Variants in GNAL observed in about 807,000 individuals in gnomAD.
GNAL encodes the protein G protein subunit alpha L, also known as guanine nucleotide-binding protein G(olf) subunit alpha.
In GNAL, 18 loss-of-function variants were observed where a neutral mutation model predicts 55.1. That is an observed-to-expected ratio of 0.33 (90% confidence interval 0.23 to 0.48). The LOEUF is 0.48. GNAL is among the 20% of genes least tolerant of loss of function. The probability of loss-of-function intolerance (pLI) is 0.99; values close to 1 mark genes in which losing one functional copy is unlikely to be tolerated. For missense variants in GNAL, 412 were observed against 614.1 expected (o/e 0.67, Z 3.48); for synonymous variants, 253 against 237.0 (o/e 1.07, Z -0.62).
intron 1 of GNAL, chr18:11,747,124 C>A: frequency 2.5e-6 from 1 of 404,772 alleles, no homozygotes. Context: ...GATCGAACTG[C>A]CCACGCTGCC....
intron 5 of GNAL, chr18:11,851,304 A>G: frequency 1.8e-6 from 1 of 562,952 alleles, no homozygotes; most frequent in South Asian, 2.8e-5. Context: ...CTGGCGTCTT[A>G]CGTCCCACAG....
chr18:11,715,212 C>A (rs2031928253), intron 1 of GNAL, among the ~76,000 whole-genome samples: 1 of 151,574 alleles, frequency 6.6e-6, no homozygotes, highest in African/African-American at 2.4e-5. Flanking sequence ...GTAATCCCAG[C>A]ACTTTGGGAG....
intron 1 of GNAL, among the ~76,000 whole-genome samples, chr18:11,737,329 A>G (rs1469805401): frequency 2.6e-5 from 4 of 152,214 alleles, no homozygotes; most frequent in Non-Finnish European, 5.9e-5. Context: ...ATGCCTACCA[A>G]TGCTTTAAAT....
rs533703130 is a variant in GNAL, at chr18:11,868,050, G to A, written c.911-493G>A. 2.1e-4 allele frequency among the ~76,000 whole-genome samples: 32 copies of A among 152,212 alleles called. No individual in the cohort carries two copies. In the South Asian group the frequency reaches 2.9e-3, roughly 14 times the overall value. ...TGAGGCAGGAGAATCACCTGAACCCGGGAGGCAGAGGTTGCAGTGAGCCAA... is the reference window on the plus strand; with the variant it reads ...TGAGGCAGGAGAATCACCTGAACCCAGGAGGCAGAGGTTGCAGTGAGCCAA... On this transcript the variant is annotated intron_variant, in intron 8 of 11. Transcript: ENST00000334049. The surrounding 1 kb of genome is among the most constrained non-coding windows in gnomAD (Gnocchi z 4.0).
intron 10 of GNAL, chr18:11,874,110 G>C (rs992021066): frequency 1.3e-5 from 2 of 152,428 alleles, no homozygotes; most frequent in African/African-American, 2.4e-5. Flanking sequence ...CCAGCCGCGG[G>C]TGCTGAAGGG....
intron 6 of GNAL, among the ~76,000 whole-genome samples, chr18:11,864,142 A>G (rs1417795554): frequency 6.8e-6 from 1 of 146,740 alleles, no homozygotes; most frequent in Non-Finnish European, 1.5e-5. Context: ...GCTGGAATGC[A>G]ATGGCGCGAT....
chr18:11,780,663 C>CT (rs1413732866), intron 4 of GNAL, among the ~76,000 whole-genome samples: 9 of 152,132 alleles, frequency 5.9e-5, no homozygotes. Context: ...GCCAATCTGC[C>CT]TTTGGGTTTT....
At chr18:11,736,060 T>C (rs1032435481) in intron 1 of GNAL, among the ~76,000 whole-genome samples, 3 of 152,180 alleles carry the variant, frequency 2.0e-5, no homozygotes, top group Admixed American at 6.5e-5. Flanking sequence ...CATCTCCAAA[T>C]CTAGTCTATT....
intron 4 of GNAL, among the ~76,000 whole-genome samples, chr18:11,776,729 A>AG (rs1555649399): frequency 0.031 from 4,558 of 145,828 alleles, 292 homozygotes; most frequent in African/African-American, 0.11. Flanking sequence ...AAAAAAAAAA[A>AG]GAATTTACAC....
chr18:11,728,352 A>G (rs1334675169), intron 1 of GNAL, among the ~76,000 whole-genome samples: 2 of 152,186 alleles, frequency 1.3e-5, no homozygotes, highest in Non-Finnish European at 2.9e-5. Flanking sequence ...AAGGACTCAC[A>G]TTCTTCAGGC....
intron 1 of GNAL, among the ~76,000 whole-genome samples, chr18:11,696,785 A>T (rs1812203718): frequency 6.6e-6 from 1 of 152,214 alleles, no homozygotes; most frequent in Admixed American, 6.5e-5. Flanking sequence ...TATTCACATG[A>T]TTAATACTGG....
At chr18:11,857,740 C>G in intron 5 of GNAL, 12 of 985,332 alleles carry the variant, frequency 1.2e-5, no homozygotes, top group Non-Finnish European at 1.4e-5. Flanking sequence ...AGCAGGGAAT[C>G]TTAACTCTGG....
chr18:11,752,384 G>A lies in GNAL; in HGVS notation c.377-469G>A. The A allele has an allele frequency of 6.3e-7, 1 of 1,574,860 alleles. No individual in the cohort carries two copies. Among genetic ancestry groups the A allele is most frequent in the Admixed American group, 1.9e-5 (1 of 52,094 alleles). On this transcript the variant is annotated intron_variant, in intron 1 of 11. Transcript: ENST00000334049. This position sits in a 1 kb window ranked among gnomAD's most constrained non-coding sequence, Gnocchi z 4.5. ...CCGCACACGTCTCCAACTCTCTATTGCTTTTTGCGCACATTCCTAACTTCC... is the reference window on the plus strand; with the variant it reads ...CCGCACACGTCTCCAACTCTCTATTACTTTTTGCGCACATTCCTAACTTCC...
chr18:11,703,484 A>G (rs559781383), intron 1 of GNAL, among the ~76,000 whole-genome samples: 4 of 152,250 alleles, frequency 2.6e-5, no homozygotes, highest in Non-Finnish European at 5.9e-5. Context: ...AGTAGTGCCA[A>G]TTAAGAAACA....
chr18:11,729,824 G>A (rs557456101), intron 1 of GNAL, among the ~76,000 whole-genome samples: 2 of 152,232 alleles, frequency 1.3e-5, no homozygotes, highest in East Asian at 1.9e-4. Flanking sequence ...TGATTAAGTC[G>A]CCCCGAGGCA....
At chr18:11,823,478 C>A (rs1465198889) in intron 4 of GNAL, among the ~76,000 whole-genome samples, 1 of 152,174 alleles carries the variant, frequency 6.6e-6, no homozygotes, top group African/African-American at 2.4e-5. Context: ...CTAATAAAGC[C>A]TACACTCTGG....
At chr18:11,747,117 C>T (rs1353547560) in intron 1 of GNAL, 3 of 409,416 alleles carry the variant, frequency 7.3e-6, no homozygotes, top group East Asian at 5.9e-5. Context: ...CAGCGCAGAT[C>T]GAACTGCCCA....
intron 4 of GNAL, among the ~76,000 whole-genome samples, chr18:11,783,181 C>A (rs1322926660): frequency 6.6e-6 from 1 of 152,146 alleles, no homozygotes; most frequent in Non-Finnish European, 1.5e-5. Flanking sequence ...AATTTGTTGA[C>A]CACCTCACAT....
Position 11,868,565 on chromosome 18 carries a change from C to T in GNAL, c.933C>T (p.Val311=), listed in dbSNP as rs1318167543. The T allele has an allele frequency of 1.2e-6, 2 of 1,610,372 alleles. No homozygotes were observed. The highest frequency in any genetic ancestry group is 2.2e-5 in the East Asian group (1 of 44,710). The part of the protein sequence containing the change: ...CFNDVTAIIY[V]AACSSYNMVI... ...AAGATGTCACAGCTATCATTTACGTCGCAGCCTGCAGTAGCTACAACATGG... is the reference window on the plus strand; with the variant it reads ...AAGATGTCACAGCTATCATTTACGTTGCAGCCTGCAGTAGCTACAACATGG... Residue 311 remains valine (V), a synonymous_variant, in exon 9 of 12, where the codon GTC becomes GTT. Transcript: ENST00000334049. This position sits in a 1 kb window ranked among gnomAD's most constrained non-coding sequence, Gnocchi z 4.0.
Sources: gnomAD v4.1 joint callset for allele counts (sites outside exome capture counted in the v4.1 genomes callset) on GRCh38, gnomAD v4.1.1 for gene constraint, Gnocchi (gnomAD v3.1) non-coding constraint, MANE v1.5 for transcripts, NCBI Gene and HGNC (gene_info 2026-07-23, HGNC 2026-07-21) for gene names.